KIF27: variants seen among roughly 807,000 people sequenced by gnomAD.
KIF27 encodes kinesin family member 27.
A neutral mutation model predicts 141.8 loss-of-function variants in KIF27; 84 were observed. The observed-to-expected ratio is 0.59, with a 90% confidence interval of 0.50 to 0.71. The LOEUF (loss-of-function observed/expected upper bound fraction) is 0.71, where lower values mean the gene tolerates loss of function less well. Ranked by LOEUF, KIF27 falls within the 30% of genes least tolerant of loss-of-function variation. KIF27 has a pLI of 0.00. For missense variants in KIF27, 1,306 were observed against 1,628.4 expected (o/e 0.80, Z 3.41); for synonymous variants, 471 against 569.5 (o/e 0.83, Z 2.46).
At chr9:83,880,582 A>G in intron 10 of KIF27, 88 bp from the exon 11 acceptor site, 1 of 1,038,010 alleles carries the variant, frequency 9.6e-7, no homozygotes, top group Non-Finnish European at 1.4e-6. Flanking sequence ...ATGGTAAAAG[A>G]AGAAATTTTC....
At chr9:83,919,285 CCCAGCAATTCCACTCCATCAAATGAT>C (rs1398174987) in intron 1 of KIF27, among the ~76,000 whole-genome samples, 3 of 152,156 alleles carry the variant, frequency 2.0e-5, no homozygotes, top group Admixed American at 1.3e-4. Context: ...TATCTCTTGA[CCCAGCAATTCCACTCCATCAAATGAT>C]CCAGCAATTC....
intron 1 of KIF27, among the ~76,000 whole-genome samples, chr9:83,919,754 G>GC (rs1956071274): frequency 6.6e-6 from 1 of 151,176 alleles, no homozygotes; most frequent in South Asian, 2.1e-4. Flanking sequence ...AATTAGGCAG[G>GC]CATGGTGGCG....
At chr9:83,889,380 A>G (rs888442257) in intron 6 of KIF27, 127 bp from the exon 7 acceptor site, 11 of 704,078 alleles carry the variant, frequency 1.6e-5, no homozygotes, top group Non-Finnish European at 2.2e-5. Context: ...CAATCACTGG[A>G]AAATGCTCCC....
At chr9:83,896,449 A>G (rs1431022004) in intron 5 of KIF27, among the ~76,000 whole-genome samples, 2 of 152,104 alleles carry the variant, frequency 1.3e-5, no homozygotes, top group Non-Finnish European at 2.9e-5. Flanking sequence ...TTGAAAAATA[A>G]AATTTTTTAA....
chr9:83,887,461 T>C (rs1952214936), intron 8 of KIF27, among the ~76,000 whole-genome samples: 2 of 152,248 alleles, frequency 1.3e-5, no homozygotes, highest in African/African-American at 4.8e-5. Context: ...CACACAGTTT[T>C]TCATTGCCTT....
Position 83,850,150 on chromosome 9 carries a change from G to A in KIF27, c.3505C>T (p.Gln1169Ter). Residue 1169 changes from glutamine to a stop codon, truncating the protein, a stop_gained, in exon 16 of 18, where the codon CAG becomes TAG. Transcript: ENST00000297814. LOFTEE classifies it high-confidence loss of function. ...ATCTTTTGTTCGTGTTCCTTTTGCT[G>A]GAGGGTCAGTCTCCGGTCACACTGC... ...KLQCDRRLTL[Q>*]QKEHEQKMQL... 6.2e-7 allele frequency: 1 copy of A among 1,613,910 alleles called. No individual in the cohort carries two copies. Among genetic ancestry groups the A allele is most frequent in the Non-Finnish European group, 8.5e-7 (1 of 1,179,818 alleles).
chr9:83,892,898 T>C (rs1952815212), intron 5 of KIF27, among the ~76,000 whole-genome samples: 4 of 152,144 alleles, frequency 2.6e-5, no homozygotes, highest in Non-Finnish European at 5.9e-5. Context: ...ATATTTGTAG[T>C]GCAAAAACTA....
chr9:83,859,152 T>C lies in KIF27; in HGVS notation c.3150+4A>G. On this transcript the variant is annotated splice_donor_region_variant and intron_variant, in intron 14 of 17. Coordinates refer to ENST00000297814, the MANE Select transcript of KIF27 (RefSeq NM_017576.4). ...ACCTCCAGTTCCAAAGAATACTGAC[T>C]TACTTCAGGTGATAACACTCTACCA... The C allele has an allele frequency of 1.3e-6, 2 of 1,593,702 alleles. No homozygotes were observed. Among genetic ancestry groups the C allele is most frequent in the South Asian group, 1.1e-5 (1 of 90,668 alleles).
At chr9:83,848,187 T>G (rs1184434030) in intron 16 of KIF27, among the ~76,000 whole-genome samples, 1 of 30,348 alleles carries the variant, frequency 3.3e-5, no homozygotes, top group Non-Finnish European at 5.8e-5. Flanking sequence ...TCATATATGA[T>G]ATATATGATA....
At position 83,834,922 on chromosome 9, in the gene KIF27, TATA is replaced by T. The variant is rs1387713288; in HGVS notation, c.*2076_*2078del. On this transcript the variant is annotated 3_prime_UTR_variant, in exon 18 of 18. Coordinates refer to ENST00000297814, the MANE Select transcript of KIF27 (RefSeq NM_017576.4). ...ACCTATATCTATATACAAGTATATATATAATACTATATATATACAAGTGTTTAT... is the reference window on the plus strand; with the variant it reads ...ACCTATATCTATATACAAGTATATATATACTATATATATACAAGTGTTTAT... Among the ~76,000 whole-genome samples, 4 of 148,940 alleles carry T rather than the reference TATA, an allele frequency of 2.7e-5. No homozygotes were observed. Among genetic ancestry groups the T allele is most frequent in the South Asian group, 2.1e-4 (1 of 4,772 alleles).
At chr9:83,854,195 C>T (rs1225031837) in intron 14 of KIF27, among the ~76,000 whole-genome samples, 1 of 152,110 alleles carries the variant, frequency 6.6e-6, no homozygotes, top group Non-Finnish European at 1.5e-5. Flanking sequence ...AGCCTAAGCC[C>T]ACAGGATTAG....
In KIF27 at chr9:83,919,462, T is replaced by C. The variant is rs77131584; in HGVS notation, c.-88+1909A>G. Among the ~76,000 whole-genome samples, 703 of 152,244 alleles carry C rather than the reference T, an allele frequency of 4.6e-3. 5 individuals are homozygous for C. The highest frequency in any genetic ancestry group is 7.2e-3 in the Non-Finnish European group (492 of 68,002). On this transcript the variant is annotated intron_variant, in intron 1 of 17. Coordinates refer to ENST00000297814, the MANE Select transcript of KIF27 (RefSeq NM_017576.4). ...GTGCAGATGATGAAAAGTAATGAAT[T>C]TGAGGTGAGGTTAGGTTCTTTGGAA...
At chr9:83,850,835 T>C (rs1490827796) in intron 15 of KIF27, among the ~76,000 whole-genome samples, 9 of 108,414 alleles carry the variant, frequency 8.3e-5, no homozygotes, top group Admixed American at 5.9e-4. Context: ...ATTTTCTTTT[T>C]TTTTTTTTTT....
intron 11 of KIF27, among the ~76,000 whole-genome samples, chr9:83,876,003 GA>G (rs1206058954): frequency 3.3e-5 from 5 of 149,736 alleles, no homozygotes; most frequent in Non-Finnish European, 5.9e-5. Context: ...AAATCCAGAA[GA>G]AAAAAAAAGT....
chr9:83,884,392 A>G (rs1489717174), intron 9 of KIF27, among the ~76,000 whole-genome samples: 2 of 152,144 alleles, frequency 1.3e-5, no homozygotes, highest in Non-Finnish European at 2.9e-5. Flanking sequence ...CCTGCTACCA[A>G]TAATCTGTCT....
chr9:83,864,008 G>C (rs992371589), intron 13 of KIF27, among the ~76,000 whole-genome samples: 122 of 152,090 alleles, frequency 8.0e-4, no homozygotes, highest in African/African-American at 2.7e-3. Flanking sequence ...TATTTCTGTG[G>C]GATCGGTGGT....
At position 83,903,169 on chromosome 9, in the gene KIF27, C is replaced by T. The variant is rs759394387; in HGVS notation, c.1349G>A (p.Arg450Lys). The change falls in exon 4 of 18, where the codon AGG becomes AAG. Residue 450 changes from arginine to lysine, a missense_variant. Physicochemically the swap from Arg to Lys is conservative, Grantham distance 26. Transcript: ENST00000297814. The stretch of plus-strand genomic sequence containing the variant: ...TCGAAATGAGGTGAGGACAGCCTTC[C>T]TGACCTCTTGGATCATGTTAAACCA... The part of the protein sequence containing the change: ...QEWFNMIQEV[R>K]KAVLTSFRGI... The T allele has an allele frequency of 1.2e-6, 2 of 1,614,190 alleles. No individual in the cohort carries two copies. Among genetic ancestry groups the T allele is most frequent in the East Asian group, 2.2e-5 (1 of 44,886 alleles).
intron 13 of KIF27, among the ~76,000 whole-genome samples, chr9:83,861,181 TTA>T (rs369418168): frequency 7.4e-5 from 11 of 149,354 alleles, no homozygotes; most frequent in South Asian, 4.2e-4. Flanking sequence ...GGCTATTTCT[TTA>T]TATATATATA....
intron 5 of KIF27, among the ~76,000 whole-genome samples, chr9:83,893,705 G>C (rs1219361431): frequency 2.0e-5 from 3 of 151,898 alleles, no homozygotes; most frequent in Non-Finnish European, 4.4e-5. Context: ...ATGTTAAAAA[G>C]ATAGCAGGAG....
Sources: allele counts gnomAD v4.1 joint callset (sites outside exome capture counted in the v4.1 genomes callset), GRCh38; gene constraint gnomAD v4.1.1; transcripts MANE v1.5; gene names NCBI Gene and HGNC (gene_info 2026-07-23, HGNC 2026-07-21).